The following SLC24A2 variants were observed in gnomAD, a reference collection of about 807,000 sequenced individuals.
SLC24A2 encodes solute carrier family 24 member 2.
A neutral mutation model predicts 62.0 loss-of-function variants in SLC24A2; 36 were observed. That is an observed-to-expected ratio of 0.58 (90% CI 0.44 to 0.77). The LOEUF (loss-of-function observed/expected upper bound fraction) is 0.77, where lower values mean the gene tolerates loss of function less well. Among genes scored for constraint, SLC24A2 ranks in the 30% least tolerant of loss-of-function variants. SLC24A2 has a pLI of 0.00. For missense variants in SLC24A2, 846 were observed against 817.9 expected (o/e 1.03, Z -0.42); for synonymous variants, 358 against 294.0 (o/e 1.22, Z -2.23).
chr9:19,972,169 C>G, the SLC24A2 span, among the ~76,000 whole-genome samples: 2 of 151,846 alleles, frequency 1.3e-5, no homozygotes, highest in African/African-American at 4.8e-5. Flanking sequence ...ACTATGAGGC[C>G]AGTATCTTGG....
chr9:19,589,480 G>A (rs921074361), intron 5 of SLC24A2, among the ~76,000 whole-genome samples: 8 of 152,156 alleles, frequency 5.3e-5, no homozygotes, highest in Admixed American at 4.6e-4. Flanking sequence ...TTACTTATGT[G>A]TGCATGTAAT....
At chr9:19,841,435 G>T in the SLC24A2 span, among the ~76,000 whole-genome samples, 1 of 152,132 alleles carries the variant, frequency 6.6e-6, no homozygotes. Flanking sequence ...AAACCCTTCA[G>T]GCAGACACAT....
At chr9:19,875,778 A>C in the SLC24A2 span, among the ~76,000 whole-genome samples, 17 of 152,324 alleles carry the variant, frequency 1.1e-4, no homozygotes, top group Admixed American at 1.0e-3. Flanking sequence ...TCTTCTACGA[A>C]TGTGCTTAAA....
chr9:19,732,851 G>A (rs895607578), intron 2 of SLC24A2, among the ~76,000 whole-genome samples: 2 of 152,166 alleles, frequency 1.3e-5, no homozygotes, highest in Non-Finnish European at 2.9e-5. Flanking sequence ...AATTGAAAAT[G>A]TGAAAATAAT....
At chr9:19,741,378 A>AT (rs1308064870) in intron 2 of SLC24A2, among the ~76,000 whole-genome samples, 1 of 152,048 alleles carries the variant, frequency 6.6e-6, no homozygotes. Context: ...CTGTTTCCTG[A>AT]TTTTTTGGGA....
At position 19,674,695 on chromosome 9, in the gene SLC24A2, C is replaced by T. The variant is rs116208427; in HGVS notation, c.931-52396G>A. ...CATTTTGCATTTCTCTAAGTGTGTC[C>T]TTCCTTTCCAGAAGTTATGATTTTT... On this transcript the variant is annotated intron_variant, in intron 2 of 10. Coordinates refer to ENST00000341998, the MANE Select transcript of SLC24A2 (RefSeq NM_020344.4). Among the ~76,000 whole-genome samples, 1,303 of 152,222 alleles carry T rather than the reference C, an allele frequency of 8.6e-3. 20 individuals are homozygous for T. Among genetic ancestry groups the T allele is most frequent in the African/African-American group, 0.03 (1,254 of 41,530 alleles).
chr9:19,963,970 A>C, the SLC24A2 span, among the ~76,000 whole-genome samples: 1 of 152,178 alleles, frequency 6.6e-6, no homozygotes, highest in East Asian at 1.9e-4. Flanking sequence ...GAATCCACCC[A>C]AATGTCCAAC....
At chr9:19,758,606 A>G (rs1263500025) in intron 2 of SLC24A2, among the ~76,000 whole-genome samples, 1 of 152,208 alleles carries the variant, frequency 6.6e-6, no homozygotes, top group Non-Finnish European at 1.5e-5. Flanking sequence ...AAGCAACAAG[A>G]GATCAAGGTT....
the SLC24A2 span, among the ~76,000 whole-genome samples, chr9:20,230,614 T>C: frequency 1.2e-4 from 18 of 152,202 alleles, no homozygotes; most frequent in Non-Finnish European, 1.6e-4. Context: ...TTTGAGTTCA[T>C]TGTAGATTCT....
At chr9:19,837,425 G>C in the SLC24A2 span, among the ~76,000 whole-genome samples, 27 of 120,404 alleles carry the variant, frequency 2.2e-4, no homozygotes, top group Admixed American at 1.5e-3. Context: ...GCAGTCCGCA[G>C]TCCGGCCTGG....
the SLC24A2 span, among the ~76,000 whole-genome samples, chr9:20,136,912 G>A: frequency 2.0e-4 from 30 of 152,120 alleles, no homozygotes; most frequent in South Asian, 2.1e-3. Flanking sequence ...ACTTTACGCC[G>A]CATTAAAAGC....
At position 19,686,261 on chromosome 9, in the gene SLC24A2, A is replaced by T. The variant is rs537297417; in HGVS notation, c.931-63962T>A. 2.8e-4 allele frequency among the ~76,000 whole-genome samples: 43 copies of T among 152,174 alleles called. 2 individuals are homozygous for T. Among genetic ancestry groups the T allele is most frequent in the African/African-American group, 9.6e-4 (40 of 41,560 alleles). On this transcript the variant is annotated intron_variant, in intron 2 of 10. Transcript: ENST00000341998. ...GCTATTATAAAAAGTAAAAAATAACATGCTGGTGAGGTTGCAGAGTGAAGG... is the reference window on the plus strand; with the variant it reads ...GCTATTATAAAAAGTAAAAAATAACTTGCTGGTGAGGTTGCAGAGTGAAGG...
the SLC24A2 span, among the ~76,000 whole-genome samples, chr9:20,273,039 A>C: frequency 6.6e-6 from 1 of 152,202 alleles, no homozygotes; most frequent in African/African-American, 2.4e-5. Context: ...AAGAGGATCT[A>C]CCGTCAGTGA....
intron 2 of SLC24A2, among the ~76,000 whole-genome samples, chr9:19,653,025 A>G (rs1818845098): frequency 6.6e-6 from 1 of 152,124 alleles, no homozygotes; most frequent in Non-Finnish European, 1.5e-5. Flanking sequence ...GCTTTGGTTT[A>G]CCCACAGTGT....
chr9:19,903,265 C>T, the SLC24A2 span, among the ~76,000 whole-genome samples: 2 of 152,112 alleles, frequency 1.3e-5, no homozygotes, highest in South Asian at 2.1e-4. Flanking sequence ...GGTGAAGGCC[C>T]TCCTCCTAGT....
the SLC24A2 span, among the ~76,000 whole-genome samples, chr9:19,856,750 G>C: frequency 6.6e-6 from 1 of 152,188 alleles, no homozygotes; most frequent in African/African-American, 2.4e-5. Flanking sequence ...CCTGTTGGAG[G>C]GTCCCACCCA....
At chr9:19,586,465 G>A (rs10811214) in intron 5 of SLC24A2, among the ~76,000 whole-genome samples, 37,530 of 151,924 alleles carry the variant, frequency 0.25, 5,501 homozygotes, top group African/African-American at 0.41. Flanking sequence ...GGGTACAGAA[G>A]GAAGAAAAGC....
the SLC24A2 span, among the ~76,000 whole-genome samples, chr9:20,200,286 G>T: frequency 6.6e-6 from 1 of 152,202 alleles, no homozygotes; most frequent in African/African-American, 2.4e-5. Flanking sequence ...ACACTTTCAT[G>T]TGGAGATATT....
In SLC24A2 at chr9:19,573,453, T is replaced by TG; in HGVS notation, c.1244dup (p.Asn416LysfsTer8). ...TTTCAACATCTGTGCTGGTGCTGTT[T>TG]GGAAGCTCAATTTTTTCTGTGATAT... is the stretch of plus-strand genomic sequence containing the variant. On this transcript the variant is annotated frameshift_variant, in exon 7 of 11. Transcript: ENST00000341998. LOFTEE classifies it high-confidence loss of function. 1 of 1,610,434 alleles carries TG rather than the reference T, an allele frequency of 6.2e-7. No homozygotes were observed. Among genetic ancestry groups the TG allele is most frequent in the Non-Finnish European group, 8.5e-7 (1 of 1,177,774 alleles).
Sources: gnomAD v4.1 joint callset for allele counts (sites outside exome capture counted in the v4.1 genomes callset) on GRCh38, gnomAD v4.1.1 for gene constraint, MANE v1.5 for transcripts, NCBI Gene and HGNC (gene_info 2026-07-23, HGNC 2026-07-21) for gene names.